TCF4: variants seen among roughly 807,000 people sequenced by gnomAD.
The protein encoded by TCF4 is transcription factor 4.
Under a neutral mutation model 82.1 loss-of-function variants are expected in TCF4, and 3 were observed. That is an observed-to-expected ratio of 0.04 (90% CI 0.02 to 0.09). The LOEUF (loss-of-function observed/expected upper bound fraction) is 0.09. TCF4 is among the 10% of genes least tolerant of loss of function. The pLI, the probability that TCF4 is intolerant of heterozygous loss-of-function variation, is 1.00. For synonymous variants in TCF4, 276 were observed against 309.6 expected (o/e 0.89, Z 1.14); for missense variants, 518 against 852.7 (o/e 0.61, Z 4.89).
At chr18:55,596,102 T>C in intron 2 of TCF4, 3 of 439,334 alleles carry the variant, frequency 6.8e-6, no homozygotes, top group South Asian at 4.7e-5. Context: ...GAGTGATGAC[T>C]CACGCCTATC....
At chr18:55,457,310 A>C (rs1350913318) in intron 5 of TCF4, among the ~76,000 whole-genome samples, 1 of 152,244 alleles carries the variant, frequency 6.6e-6, no homozygotes, top group Admixed American at 6.5e-5. Flanking sequence ...ATAAACCAAG[A>C]AACGTCATTA....
intron 9 of TCF4, among the ~76,000 whole-genome samples, chr18:55,278,042 T>C (rs1157655769): frequency 6.6e-6 from 1 of 152,200 alleles, no homozygotes; most frequent in Non-Finnish European, 1.5e-5. Flanking sequence ...GGCTCTATTA[T>C]GCGTGGAACA....
At chr18:55,624,265 T>G (rs2097724345) in intron 2 of TCF4, among the ~76,000 whole-genome samples, 1 of 151,974 alleles carries the variant, frequency 6.6e-6, no homozygotes, top group African/African-American at 2.4e-5. Flanking sequence ...TCATTGTATT[T>G]GAAGAGACCT....
chr18:55,539,435 C>T (rs937155766), intron 3 of TCF4, among the ~76,000 whole-genome samples: 1 of 152,000 alleles, frequency 6.6e-6, no homozygotes, highest in Non-Finnish European at 1.5e-5. Context: ...TTGGGAACCA[C>T]AAGCCATAAA....
At chr18:55,604,732 A>G (rs1433465170) in intron 2 of TCF4, among the ~76,000 whole-genome samples, 2 of 152,180 alleles carry the variant, frequency 1.3e-5, no homozygotes, top group Non-Finnish European at 2.9e-5. Flanking sequence ...CAAGAGCCCC[A>G]TGTCATCACC....
In TCF4 at chr18:55,621,446, A is replaced by C. The variant is rs181850442; in HGVS notation, c.286+9852T>G. 4.5e-4 allele frequency among the ~76,000 whole-genome samples: 50 copies of C among 110,882 alleles called. 2 individuals carry two copies. The highest frequency in any genetic ancestry group is 1.6e-3 in the African/African-American group (48 of 29,354). The allele number at this position is 110,882 out of a possible 152,430, so 72.7% of individuals were successfully genotyped here. ...ATATATAATATATAAAAATATATATATAATATATATAATATATAATATATA... is the reference window on the plus strand; with the variant it reads ...ATATATAATATATAAAAATATATATCTAATATATATAATATATAATATATA... On this transcript the variant is annotated intron_variant, in intron 2 of 20. Coordinates refer to the TCF4 transcript ENST00000398339.
chr18:55,465,878 C>A (rs1416794607), intron 3 of TCF4, among the ~76,000 whole-genome samples: 1 of 152,182 alleles, frequency 6.6e-6, no homozygotes, highest in Non-Finnish European at 1.5e-5. Context: ...TGAGAGATTT[C>A]TCCTCTTGAA....
At chr18:55,318,403 T>G (rs1459135123) in intron 8 of TCF4, among the ~76,000 whole-genome samples, 1 of 151,904 alleles carries the variant, frequency 6.6e-6, no homozygotes. Flanking sequence ...TGATTTTCTC[T>G]GCAAAAAAAA....
chr18:55,310,402 G>C (rs1316342187), intron 8 of TCF4, among the ~76,000 whole-genome samples: 1 of 152,198 alleles, frequency 6.6e-6, no homozygotes, highest in Non-Finnish European at 1.5e-5. Flanking sequence ...AAATTGAAGA[G>C]TGGCTCAAGT....
intron 8 of TCF4, among the ~76,000 whole-genome samples, chr18:55,288,948 T>A (rs1054442441): frequency 6.6e-6 from 1 of 152,256 alleles, no homozygotes; most frequent in Admixed American, 6.5e-5. Flanking sequence ...GTCTTGTCTA[T>A]GTGTACTAGC....
intron 3 of TCF4, among the ~76,000 whole-genome samples, chr18:55,518,626 G>GT (rs2096905681): frequency 6.6e-6 from 1 of 152,066 alleles, no homozygotes; most frequent in Non-Finnish European, 1.5e-5. Flanking sequence ...TTTTTTAACC[G>GT]TGAGATAACA....
At chr18:55,254,183 T>C (rs2056122587) in intron 15 of TCF4, among the ~76,000 whole-genome samples, 1 of 152,164 alleles carries the variant, frequency 6.6e-6, no homozygotes, top group Non-Finnish European at 1.5e-5. Flanking sequence ...GGTAAATCTA[T>C]AGACATAGGA....
At chr18:55,550,183 T>G (rs2097248478) in intron 3 of TCF4, 1 of 152,214 alleles carries the variant, frequency 6.6e-6, no homozygotes, top group Non-Finnish European at 1.5e-5. Context: ...TTTGTGTTTC[T>G]AAAAGTGAAC....
At chr18:55,584,430 A>C (rs1405573175) in intron 3 of TCF4, among the ~76,000 whole-genome samples, 1 of 152,180 alleles carries the variant, frequency 6.6e-6, no homozygotes, top group African/African-American at 2.4e-5. Flanking sequence ...AAAGGATAGC[A>C]GGCAACAATG....
At chr18:55,319,364 T>C (rs2074939347) in intron 8 of TCF4, among the ~76,000 whole-genome samples, 1 of 152,184 alleles carries the variant, frequency 6.6e-6, no homozygotes, top group African/African-American at 2.4e-5. Flanking sequence ...TTCCTCAGTG[T>C]ATGCATGAGG....
chr18:55,478,563 G>A (rs770779897), intron 3 of TCF4, among the ~76,000 whole-genome samples: 6 of 152,100 alleles, frequency 3.9e-5, no homozygotes, highest in African/African-American at 9.7e-5. Context: ...AAAAGAAACC[G>A]CGAAATCTGC....
intron 6 of TCF4, among the ~76,000 whole-genome samples, chr18:55,385,708 C>T (rs2092534788): frequency 6.6e-6 from 1 of 152,190 alleles, no homozygotes; most frequent in South Asian, 2.1e-4. Context: ...GGTAAAATTA[C>T]TTCTAAAAGA....
At chr18:55,495,061 C>G (rs926006261) in intron 3 of TCF4, among the ~76,000 whole-genome samples, 4 of 151,528 alleles carry the variant, frequency 2.6e-5, no homozygotes, top group Non-Finnish European at 4.4e-5. Flanking sequence ...ATTCTTAGGT[C>G]TGGTTCTTTA....
chr18:55,323,255 T>A (rs760964403), intron 8 of TCF4, among the ~76,000 whole-genome samples: 5 of 152,118 alleles, frequency 3.3e-5, no homozygotes, highest in Non-Finnish European at 5.9e-5. Flanking sequence ...TGAAACTAAA[T>A]CATTTGCATA....
Sources: allele counts gnomAD v4.1 joint callset (sites outside exome capture counted in the v4.1 genomes callset), GRCh38; gene constraint gnomAD v4.1.1; transcripts MANE v1.5; gene names NCBI Gene and HGNC (gene_info 2026-07-23, HGNC 2026-07-21).